MLLT10: variants seen among roughly 807,000 people sequenced by gnomAD.
The protein encoded by MLLT10 is protein AF-10.
A neutral mutation model predicts 129.1 loss-of-function variants in MLLT10; 30 were observed. That is an observed-to-expected ratio of 0.23 (90% CI 0.17 to 0.32). The LOEUF (loss-of-function observed/expected upper bound fraction) is 0.32. Among genes scored for constraint, MLLT10 ranks in the 10% least tolerant of loss-of-function variants. The pLI is 1.00. For missense variants in MLLT10, 1,119 were observed against 1,268.3 expected (o/e 0.88, Z 1.79); for synonymous variants, 490 against 446.4 (o/e 1.10, Z -1.23).
intron 5 of MLLT10, among the ~76,000 whole-genome samples, chr10:21,597,807 A>T (rs2043157478): frequency 6.6e-6 from 1 of 152,232 alleles, no homozygotes; most frequent in Admixed American, 6.5e-5. Context: ...TTTCATCATG[A>T]TTAAATACAG....
At chr10:21,556,694 T>C (rs1204461340) in intron 3 of MLLT10, 10 of 1,612,514 alleles carry the variant, frequency 6.2e-6, no homozygotes, top group Non-Finnish European at 8.5e-6. Flanking sequence ...CACTCCTGGA[T>C]ACATAGAACA....
At chr10:21,704,377 ATATAT>A (rs1285452962) in intron 13 of MLLT10, among the ~76,000 whole-genome samples, 62 of 144,062 alleles carry the variant, frequency 4.3e-4, no homozygotes, top group Non-Finnish European at 3.0e-5. Flanking sequence ...ATATATATAT[ATATAT>A]AATTATTACT....
At chr10:21,656,102 G>T (rs1052714012) in intron 9 of MLLT10, among the ~76,000 whole-genome samples, 2 of 152,150 alleles carry the variant, frequency 1.3e-5, no homozygotes, top group African/African-American at 4.8e-5. Flanking sequence ...GTTTGAAGAG[G>T]TTGGGTAGAG....
intron 3 of MLLT10, among the ~76,000 whole-genome samples, chr10:21,569,382 C>T (rs1416839350): frequency 6.6e-6 from 1 of 151,786 alleles, no homozygotes; most frequent in Non-Finnish European, 1.5e-5. Context: ...CTCAGCCTCC[C>T]CAGTAGCTGG....
chr10:21,617,146 A>G lies in MLLT10; in HGVS notation c.638A>G (p.Asp213Gly), dbSNP rs373315812. 1.3e-6 allele frequency: 2 copies of G among 1,540,764 alleles called. No individual in the cohort carries two copies. The highest frequency in any genetic ancestry group is 2.3e-5 in the East Asian group (1 of 43,900). ...AAACGGGGATCTAATAGGTCATATG[A>G]TCAAAGTTTAAGTGATTCTTCCTCT... is the stretch of plus-strand genomic sequence containing the variant. ...KSKRGSNRSY[D>G]QSLSDSSSHS... The change falls in exon 8 of 23, where the codon GAT becomes GGT. Residue 213 changes from aspartate to glycine, a missense_variant. Coordinates refer to ENST00000307729, the MANE Select transcript of MLLT10 (RefSeq NM_001195626.3).
intron 13 of MLLT10, among the ~76,000 whole-genome samples, chr10:21,712,296 C>A (rs537080725): frequency 6.6e-5 from 10 of 152,140 alleles, no homozygotes; most frequent in Non-Finnish European, 1.2e-4. Context: ...TCACTACAAC[C>A]TTGAACTTCC....
chr10:21,710,741 T>C (rs1277502198), intron 13 of MLLT10, among the ~76,000 whole-genome samples: 2 of 152,226 alleles, frequency 1.3e-5, no homozygotes, highest in Non-Finnish European at 2.9e-5. Context: ...CCTGTGAGTT[T>C]GAATCATTAT....
chr10:21,733,409 G>A (rs1263632167), intron 18 of MLLT10, 95 bp from the exon 19 acceptor site: 4 of 766,240 alleles, frequency 5.2e-6, no homozygotes, highest in Non-Finnish European at 3.8e-6. Context: ...GTTTTGATAC[G>A]GGCTTCAGCA....
intron 2 of MLLT10, among the ~76,000 whole-genome samples, chr10:21,536,430 G>A (rs1398483376): frequency 1.3e-5 from 2 of 152,112 alleles, no homozygotes; most frequent in Non-Finnish European, 2.9e-5. Context: ...TAATTTCTAT[G>A]TCCCAATATA....
In MLLT10 at chr10:21,739,910, TAC is replaced by T. The variant is rs550851917; in HGVS notation, c.2956-119_2956-118del. On this transcript the variant is annotated intron_variant, in intron 21 of 22. Transcript: ENST00000307729. ...GTGCAGCATATTTTTCTAGATGAGATACTTGTTTTCTTTCTTTGCAAATATCT... is the reference window on the plus strand; with the variant it reads ...GTGCAGCATATTTTTCTAGATGAGATTTGTTTTCTTTCTTTGCAAATATCT... 222 of 761,490 alleles carry T rather than the reference TAC, an allele frequency of 2.9e-4. No individual in the cohort carries two copies. The African/African-American group carries it at 3.1e-3, about 10-fold the overall frequency. The allele number at this position is 761,490 out of a possible 1,614,324, so 47.2% of individuals were successfully genotyped here. A position where few individuals can be genotyped will look rare whatever the true frequency, so the allele number is the denominator to read the frequency against.
At chr10:21,733,615 C>G (rs761410661) in intron 19 of MLLT10, 23 bp downstream of exon 19, 2 of 1,498,358 alleles carry the variant, frequency 1.3e-6, no homozygotes, top group Non-Finnish European at 1.8e-6. Context: ...TGGTTATTTT[C>G]ATCTATGTTG....
chr10:21,725,650 G>A (rs1340391133), intron 14 of MLLT10, among the ~76,000 whole-genome samples: 1 of 151,240 alleles, frequency 6.6e-6, no homozygotes, highest in Non-Finnish European at 1.5e-5. Flanking sequence ...GAACCCTAGA[G>A]GCGGAGGTTG....
intron 14 of MLLT10, among the ~76,000 whole-genome samples, chr10:21,716,546 T>C (rs1041284525): frequency 1.3e-5 from 2 of 151,714 alleles, no homozygotes; most frequent in African/African-American, 4.8e-5. Context: ...ATTCAAAAAT[T>C]AGCTGGGTAT....
rs188635667 is a variant in MLLT10 at position 21,626,071 on chromosome 10, T to G, written c.699+8864T>G. The G allele has an allele frequency of 9.4e-5, 146 of 1,561,332 alleles. 1 individual carries two copies. The highest frequency in any genetic ancestry group is 1.1e-5 in the Non-Finnish European group (12 of 1,132,490). Reference sequence around the variant, plus strand: ...TCTCAAGCAAGGCCTTGATCTTCACTTCATCAGGTCCCTTTGTGGACTCTT... The same window carrying G: ...TCTCAAGCAAGGCCTTGATCTTCACGTCATCAGGTCCCTTTGTGGACTCTT... On this transcript the variant is annotated intron_variant, in intron 8 of 22. Transcript: ENST00000307729.
intron 3 of MLLT10, among the ~76,000 whole-genome samples, chr10:21,577,736 G>C (rs1456431683): frequency 6.6e-6 from 1 of 152,034 alleles, no homozygotes; most frequent in Non-Finnish European, 1.5e-5. Context: ...CTCCCAAAGT[G>C]CTGGGATTAC....
intron 4 of MLLT10, among the ~76,000 whole-genome samples, chr10:21,589,896 T>TCCCTTTCCCTTCCCCTTCCCCTTC (rs2042334525): frequency 2.8e-5 from 4 of 142,918 alleles, no homozygotes; most frequent in Non-Finnish European, 6.4e-5. Context: ...CCCTTTCCTT[T>TCCCTTTCCCTTCCCCTTCCCCTTC]CCCTTTCCCT....
At chr10:21,640,195 A>AATATTTATAT (rs1440133192) in intron 8 of MLLT10, among the ~76,000 whole-genome samples, 44 of 144,532 alleles carry the variant, frequency 3.0e-4, no homozygotes, top group African/African-American at 1.1e-3. Flanking sequence ...ATTATTATAT[A>AATATTTATAT]ATATTTATAT....
chr10:21,728,848 C>T (rs542433858), intron 16 of MLLT10, among the ~76,000 whole-genome samples: 4 of 149,950 alleles, frequency 2.7e-5, no homozygotes, highest in African/African-American at 9.8e-5. Flanking sequence ...GGCAACATGC[C>T]AAGACTCCAT....
Position 21,742,158 on chromosome 10 carries a change from T to C in MLLT10, c.*175T>C, listed in dbSNP as rs949899947. 5 of 582,722 alleles carry C rather than the reference T, an allele frequency of 8.6e-6. No homozygotes were observed. Among genetic ancestry groups the C allele is most frequent in the African/African-American group, 5.7e-5 (3 of 52,850 alleles). The allele number at this position is 582,722 out of a possible 1,614,324, so 36.1% of individuals were successfully genotyped here. A position where few individuals can be genotyped will look rare whatever the true frequency, so the allele number is the denominator to read the frequency against. ...GGCTTTGATTAGTTTTCTTGTTGCT[T>C]TGTTGCACTGAAATGGAATTCCCAT... is the stretch of plus-strand genomic sequence containing the variant. On this transcript the variant is annotated 3_prime_UTR_variant, in exon 23 of 23. Transcript: ENST00000307729.
Sources: gnomAD v4.1 joint callset for allele counts (sites outside exome capture counted in the v4.1 genomes callset) on GRCh38, gnomAD v4.1.1 for gene constraint, MANE v1.5 for transcripts, NCBI Gene and HGNC (gene_info 2026-07-23, HGNC 2026-07-21) for gene names.